The following LHFPL3 variants were observed in gnomAD, a reference collection of about 807,000 sequenced individuals.
LHFPL3 encodes LHFPL tetraspan subfamily member 3 protein.
LHFPL3 carries 5 observed loss-of-function variants against 19.3 expected under a neutral mutation model. That is an observed-to-expected ratio of 0.26 (90% CI 0.14 to 0.54). LHFPL3 has a LOEUF of 0.54. LHFPL3 is among the 20% of genes least tolerant of loss of function. The probability of loss-of-function intolerance (pLI) is 0.94; values close to 1 mark genes in which losing one functional copy is unlikely to be tolerated. For missense variants in LHFPL3, 249 were observed against 307.4 expected, an observed-to-expected ratio of 0.81 and a Z score of 1.42; for synonymous variants, 133 against 126.2, an observed-to-expected ratio of 1.05 and a Z score of -0.36.
intron 2 of LHFPL3, among the ~76,000 whole-genome samples, chr7:104,755,011 G>C (rs1794255429): frequency 6.6e-6 from 1 of 152,152 alleles, no homozygotes; most frequent in South Asian, 2.1e-4. Context: ...AGAAGGAAGT[G>C]GGTCCATTGA....
At chr7:104,349,342 A>G (rs1235917586) in intron 1 of LHFPL3, among the ~76,000 whole-genome samples, 2 of 152,190 alleles carry the variant, frequency 1.3e-5, no homozygotes, top group Non-Finnish European at 2.9e-5. Flanking sequence ...TTTCTTTTTA[A>G]TAAACCCCAA....
At chr7:104,574,164 A>G (rs1424340600) in intron 1 of LHFPL3, among the ~76,000 whole-genome samples, 1 of 152,176 alleles carries the variant, frequency 6.6e-6, no homozygotes, top group African/African-American at 2.4e-5. Flanking sequence ...TTTTTCAATT[A>G]TATTTGCCAC....
chr7:104,457,512 C>T (rs906680528), intron 1 of LHFPL3, among the ~76,000 whole-genome samples: 27 of 151,726 alleles, frequency 1.8e-4, no homozygotes, highest in African/African-American at 5.8e-4. Context: ...TCCAGTCTAT[C>T]GTTGTTGGAC....
At chr7:104,793,522 G>A (rs1790062983) in intron 2 of LHFPL3, among the ~76,000 whole-genome samples, 1 of 152,140 alleles carries the variant, frequency 6.6e-6, no homozygotes, top group African/African-American at 2.4e-5. Flanking sequence ...ATATGTCAGG[G>A]TAAAAATCAA....
intron 1 of LHFPL3, among the ~76,000 whole-genome samples, chr7:104,400,999 A>C (rs895825335): frequency 6.6e-6 from 1 of 152,220 alleles, no homozygotes; most frequent in South Asian, 2.1e-4. Context: ...AGTCCTATAG[A>C]AGTAACAGAA....
chr7:104,409,031 A>ATT (rs11336631), intron 1 of LHFPL3, among the ~76,000 whole-genome samples: 10 of 128,660 alleles, frequency 7.8e-5, no homozygotes, highest in South Asian at 2.6e-4. Flanking sequence ...CGCCCGGCTA[A>ATT]TTTTTTTTTT....
chr7:104,498,520 A>G (rs951625731), intron 1 of LHFPL3, among the ~76,000 whole-genome samples: 1 of 143,606 alleles, frequency 7.0e-6, no homozygotes, highest in Non-Finnish European at 1.5e-5. Flanking sequence ...TTTTTGAGAC[A>G]GGGTCTCACT....
intron 2 of LHFPL3, among the ~76,000 whole-genome samples, chr7:104,789,642 T>C (rs1038051095): frequency 2.0e-5 from 3 of 152,150 alleles, no homozygotes; most frequent in African/African-American, 7.2e-5. Context: ...TACATTTGTA[T>C]GTATCTTAAT....
intron 2 of LHFPL3, among the ~76,000 whole-genome samples, chr7:104,808,350 A>G (rs776801488): frequency 6.6e-6 from 1 of 152,224 alleles, no homozygotes; most frequent in Non-Finnish European, 1.5e-5. Flanking sequence ...CAAAAATACT[A>G]CCCATTTCAT....
At chr7:104,712,145 G>T (rs1793309943) in intron 1 of LHFPL3, among the ~76,000 whole-genome samples, 1 of 152,194 alleles carries the variant, frequency 6.6e-6, no homozygotes, top group Non-Finnish European at 1.5e-5. Flanking sequence ...GTCCTTAAAA[G>T]TAGAAGAAGA....
At chr7:104,457,149 A>C (rs1792559198) in intron 1 of LHFPL3, among the ~76,000 whole-genome samples, 1 of 152,140 alleles carries the variant, frequency 6.6e-6, no homozygotes. Context: ...TTCAAGTTTT[A>C]GGGTACATGT....
At chr7:104,506,487 G>T (rs1277158742) in intron 1 of LHFPL3, among the ~76,000 whole-genome samples, 1 of 152,126 alleles carries the variant, frequency 6.6e-6, no homozygotes, top group Non-Finnish European at 1.5e-5. Flanking sequence ...CCACTAGATT[G>T]TGGTCAAGTC....
intron 2 of LHFPL3, among the ~76,000 whole-genome samples, chr7:104,867,722 A>G (rs1315292311): frequency 6.6e-6 from 1 of 152,198 alleles, no homozygotes; most frequent in Non-Finnish European, 1.5e-5. Flanking sequence ...TCCCTAACTC[A>G]TTTTATGAGG....
At chr7:104,415,521 T>A (rs539617797) in intron 1 of LHFPL3, among the ~76,000 whole-genome samples, 1 of 152,262 alleles carries the variant, frequency 6.6e-6, no homozygotes, top group Non-Finnish European at 1.5e-5. Flanking sequence ...TATAAAAATA[T>A]GAAAGACAAT....
At chr7:104,627,209 T>A (rs572840988) in intron 1 of LHFPL3, among the ~76,000 whole-genome samples, 1 of 152,206 alleles carries the variant, frequency 6.6e-6, no homozygotes, top group East Asian at 1.9e-4. Context: ...CCACATATAA[T>A]TACAATCATG....
At chr7:104,392,628 G>T (rs1229057800) in intron 1 of LHFPL3, among the ~76,000 whole-genome samples, 2 of 152,172 alleles carry the variant, frequency 1.3e-5, no homozygotes, top group African/African-American at 4.8e-5. Context: ...GTTCATCAGG[G>T]ATATTGGTCT....
chr7:104,585,526 C>T (rs560538478), intron 1 of LHFPL3, among the ~76,000 whole-genome samples: 11 of 150,876 alleles, frequency 7.3e-5, no homozygotes, highest in African/African-American at 2.4e-4. Flanking sequence ...CACACACGGC[C>T]TTGTCCCTGA....
intron 1 of LHFPL3, chr7:104,470,122 A>G: frequency 2.2e-6 from 1 of 454,870 alleles, no homozygotes; most frequent in South Asian, 1.6e-5. Flanking sequence ...CAGTGAGAGG[A>G]GAAGAAGAAC....
intron 2 of LHFPL3, among the ~76,000 whole-genome samples, chr7:104,792,919 G>A (rs1182245399): frequency 6.6e-6 from 1 of 152,098 alleles, no homozygotes; most frequent in Non-Finnish European, 1.5e-5. Context: ...TTTTGAGATG[G>A]AGTCTAGCTC....
Sources: gnomAD v4.1 joint callset for allele counts (sites outside exome capture counted in the v4.1 genomes callset) on GRCh38, gnomAD v4.1.1 for gene constraint, MANE v1.5 for transcripts, NCBI Gene and HGNC (gene_info 2026-07-23, HGNC 2026-07-21) for gene names.